Variants in SLC2A13 observed in about 807,000 individuals in gnomAD.
SLC2A13 encodes the protein solute carrier family 2 member 13, also known as proton myo-inositol cotransporter.
A neutral mutation model predicts 64.4 loss-of-function variants in SLC2A13; 32 were observed. That is an observed-to-expected ratio of 0.50 (90% CI 0.37 to 0.67). SLC2A13 has a LOEUF of 0.67. Ranked by LOEUF, SLC2A13 falls within the 30% of genes least tolerant of loss-of-function variation. SLC2A13 has a pLI of 0.00. For missense variants in SLC2A13, 743 were observed against 829.2 expected (o/e 0.90, Z 1.28); for synonymous variants, 338 against 327.1 (o/e 1.03, Z -0.36).
At chr12:39,850,319 G>A (rs568273285) in intron 6 of SLC2A13, among the ~76,000 whole-genome samples, 162 of 152,144 alleles carry the variant, frequency 1.1e-3, no homozygotes, top group Non-Finnish European at 1.8e-3. Flanking sequence ...GGCAGCCTCC[G>A]GATATTAAAA....
At chr12:39,830,386 AGGTGAGAGCTGGCT>A in intron 6 of SLC2A13, 158 bp from the exon 7 acceptor site, 1 of 1,391,758 alleles carries the variant, frequency 7.2e-7, no homozygotes, top group Non-Finnish European at 9.3e-7. Flanking sequence ...GCGCTGAGCC[AGGTGAGAGCTGGCT>A]GGTCTCTTCG....
At chr12:39,848,644 A>G (rs1022093921) in intron 6 of SLC2A13, among the ~76,000 whole-genome samples, 23 of 152,184 alleles carry the variant, frequency 1.5e-4, no homozygotes, top group African/African-American at 5.3e-4. Context: ...AAGCAGAACT[A>G]CCATTTGACC....
intron 4 of SLC2A13, among the ~76,000 whole-genome samples, chr12:39,902,550 G>C (rs1592267787): frequency 6.6e-6 from 1 of 151,886 alleles, no homozygotes; most frequent in South Asian, 2.1e-4. Context: ...GCACTACCAG[G>C]TGTACTAAAA....
At chr12:40,100,451 G>A (rs1012647820) in intron 1 of SLC2A13, among the ~76,000 whole-genome samples, 4 of 152,162 alleles carry the variant, frequency 2.6e-5, no homozygotes, top group African/African-American at 9.7e-5. Flanking sequence ...TGCTAATAGT[G>A]TTAACAGTAC....
At chr12:39,853,535 C>CTTTCT (rs1156648843) in intron 6 of SLC2A13, among the ~76,000 whole-genome samples, 2 of 151,584 alleles carry the variant, frequency 1.3e-5, no homozygotes, top group African/African-American at 4.9e-5. Flanking sequence ...TTTTTTTCTC[C>CTTTCT]TTTCTTTTCT....
intron 3 of SLC2A13, among the ~76,000 whole-genome samples, chr12:40,016,941 CACA>C (rs1947630969): frequency 6.6e-6 from 1 of 152,110 alleles, no homozygotes; most frequent in South Asian, 2.1e-4. Flanking sequence ...GCTAAAAGTC[CACA>C]ACGAGTTTCT....
intron 4 of SLC2A13, among the ~76,000 whole-genome samples, chr12:39,938,403 T>TA (rs11381458): frequency 0.33 from 48,142 of 147,404 alleles, 8,347 homozygotes; most frequent in Non-Finnish European, 0.41. Flanking sequence ...AAAGAAACTT[T>TA]AAAAAAAAAA....
chr12:39,883,956 A>G (rs1305690884), intron 4 of SLC2A13, among the ~76,000 whole-genome samples: 7 of 152,292 alleles, frequency 4.6e-5, no homozygotes, highest in East Asian at 1.9e-4. Flanking sequence ...TAGACAGACT[A>G]TCTCCTGGTG....
chr12:39,764,837 G>T lies in SLC2A13; in HGVS notation c.1467C>A (p.Phe489Leu). 1 of 1,612,096 alleles carries T rather than the reference G, an allele frequency of 6.2e-7. No individual in the cohort carries two copies. Among genetic ancestry groups the T allele is most frequent in the South Asian group, 1.1e-5 (1 of 90,956 alleles). Residue 489 changes from phenylalanine to leucine, a missense_variant, in exon 8 of 10, where the codon TTC becomes TTA. Around this residue, in one of 2 missense-constraint regions of SLC2A13, gnomAD observed 295 missense variants for 381.7 expected, o/e 0.77. Coordinates refer to ENST00000280871, the MANE Select transcript of SLC2A13 (RefSeq NM_052885.4). ...AWGRCENETK[F>L]KTEDIFWAYN... is the part of the protein sequence containing the mutation. ...AAGCCCAAAATATATCTTCTGTTTT[G>T]AACTTGGTTTCATTTTCACACCTGA...
chr12:40,009,660 T>A (rs1947490734), intron 3 of SLC2A13, among the ~76,000 whole-genome samples: 1 of 152,018 alleles, frequency 6.6e-6, no homozygotes, highest in Non-Finnish European at 1.5e-5. Flanking sequence ...CTTGAACTCC[T>A]GAGCTCAAGC....
chr12:40,045,492 T>A, intron 2 of SLC2A13, among the ~76,000 whole-genome samples: 1 of 150,632 alleles, frequency 6.6e-6, no homozygotes, highest in East Asian at 1.9e-4. Context: ...TATAACCACA[T>A]TCCTATTAGC....
intron 3 of SLC2A13, among the ~76,000 whole-genome samples, chr12:40,001,023 G>A (rs933755983): frequency 2.0e-5 from 3 of 152,216 alleles, no homozygotes; most frequent in African/African-American, 7.2e-5. Flanking sequence ...GAAATGATAA[G>A]AGAGGGCATG....
chr12:39,951,143 AT>A, intron 4 of SLC2A13, 113 bp downstream of exon 4: 1 of 847,252 alleles, frequency 1.2e-6, no homozygotes, highest in East Asian at 2.9e-5. Context: ...GAATTCATAC[AT>A]TTAATCAGAA....
rs553228836 is a variant in SLC2A13 at position 39,897,950 on chromosome 12, C to T, written c.1035-25989G>A. ...AATTTTGAATTCTTCTACAATAATACATGTAAGTTTATTATATGCTTGGCA... is the reference window on the plus strand; with the variant it reads ...AATTTTGAATTCTTCTACAATAATATATGTAAGTTTATTATATGCTTGGCA... On this transcript the variant is annotated intron_variant, in intron 4 of 9. Transcript: ENST00000280871. 3.3e-5 allele frequency among the ~76,000 whole-genome samples: 5 copies of T among 152,082 alleles called. No homozygotes were observed. The Middle Eastern group carries it at 0.01, about 310-fold the overall frequency.
At chr12:39,795,401 A>G (rs1430430543) in intron 7 of SLC2A13, among the ~76,000 whole-genome samples, 1 of 152,094 alleles carries the variant, frequency 6.6e-6, no homozygotes, top group Non-Finnish European at 1.5e-5. Flanking sequence ...TTGTCTGCTC[A>G]TATTTCCAAA....
intron 1 of SLC2A13, among the ~76,000 whole-genome samples, chr12:40,102,582 T>C (rs906648404): frequency 6.6e-6 from 1 of 152,218 alleles, no homozygotes. Context: ...AAAGAAGTTC[T>C]TAGAGCAAAC....
Position 39,756,495 on chromosome 12 carries a change from A to G in SLC2A13, c.*3531T>C, listed in dbSNP as rs1939972601. ...TTGTTTTTAATAATTGTGCTGATGA[A>G]ATAAAACCAAAATAACATTCCAACT... On this transcript the variant is annotated 3_prime_UTR_variant, in exon 10 of 10. Coordinates refer to ENST00000280871, the MANE Select transcript of SLC2A13 (RefSeq NM_052885.4). 6.6e-6 allele frequency: 1 copy of G among 151,856 alleles called. No individual in the cohort carries two copies. The highest frequency in any genetic ancestry group is 1.5e-5 in the Non-Finnish European group (1 of 67,706). 9.4% of individuals were successfully genotyped at this position (151,856 alleles called of 1,614,324 possible).
intron 1 of SLC2A13, among the ~76,000 whole-genome samples, chr12:40,059,255 G>A (rs1948379737): frequency 6.6e-6 from 1 of 152,060 alleles, no homozygotes; most frequent in Non-Finnish European, 1.5e-5. Flanking sequence ...GTATGCTAAT[G>A]GCACATTTCA....
Position 40,105,819 on chromosome 12 carries a change from C to A in SLC2A13, c.-11G>T. On this transcript the variant is annotated 5_prime_UTR_variant, in exon 1 of 10. Transcript: ENST00000280871. The surrounding 1 kb of genome is among the most constrained non-coding windows in gnomAD (Gnocchi z 4.2). Reference sequence around the variant, plus strand: ...TGCCTTGCGGGACATAGGGCAGGGGCCCGGGGCTGCCCGGGGGGACGCGGC... The same window carrying A: ...TGCCTTGCGGGACATAGGGCAGGGGACCGGGGCTGCCCGGGGGGACGCGGC... The A allele has an allele frequency of 4.2e-6, 6 of 1,422,188 alleles. No homozygotes were observed. The highest frequency in any genetic ancestry group is 4.6e-6 in the Non-Finnish European group (5 of 1,087,136). The allele number at this position is 1,422,188 out of a possible 1,614,324, so 88.1% of individuals were successfully genotyped here. A position where few individuals can be genotyped will look rare whatever the true frequency, so the allele number is the denominator to read the frequency against.
Sources: allele counts gnomAD v4.1 joint callset (sites outside exome capture counted in the v4.1 genomes callset), GRCh38; gene constraint gnomAD v4.1.1; regional missense constraint gnomAD v4.1.1; non-coding constraint Gnocchi (gnomAD v3.1); transcripts MANE v1.5; gene names NCBI Gene and HGNC (gene_info 2026-07-23, HGNC 2026-07-21).